The following MIPOL1 variants were observed in gnomAD, a reference collection of about 807,000 sequenced individuals.
The protein encoded by MIPOL1 is mirror-image polydactyly 1, also known as mirror-image polydactyly gene 1 protein.
Under a neutral mutation model 60.9 loss-of-function variants are expected in MIPOL1, and 57 were observed. The observed-to-expected ratio is 0.94, with a 90% CI of 0.76 to 1.17. MIPOL1 has a LOEUF of 1.17. Among genes scored for constraint, MIPOL1 ranks in the 50% most tolerant of loss-of-function variants. The pLI is 0.00. For missense variants in MIPOL1, 551 were observed against 511.6 expected, an observed-to-expected ratio of 1.08 and a Z score of -0.74; for synonymous variants, 179 against 168.8, an observed-to-expected ratio of 1.06 and a Z score of -0.47.
At chr14:37,365,856 A>T (rs1370670906) in intron 9 of MIPOL1, among the ~76,000 whole-genome samples, 2 of 151,956 alleles carry the variant, frequency 1.3e-5, no homozygotes, top group Non-Finnish European at 2.9e-5. Flanking sequence ...CTTTACTGGG[A>T]TACTTTTTAT....
Position 37,500,088 on chromosome 14 carries a change from A to G in MIPOL1, c.1212A>G (p.Gln404=), listed in dbSNP as rs2095193637. ...CAGAGCGAGCAAATATGGAATTACA[A>G]CTTCAACATGCCAGAGAGGCCTCCC... ...ALTERANMEL[Q]LQHAREASQV... is the part of the protein sequence containing the mutation. Residue 404 remains glutamine, a synonymous_variant, in exon 12 of 13, where the codon CAA becomes CAG. Transcript: ENST00000684589. 2 of 1,613,826 alleles carry G rather than the reference A, an allele frequency of 1.2e-6. No individual in the cohort carries two copies. The highest frequency in any genetic ancestry group is 1.7e-6 in the Non-Finnish European group (2 of 1,179,838).
intron 1 of MIPOL1, among the ~76,000 whole-genome samples, chr14:37,215,788 C>T (rs1044164801): frequency 6.6e-6 from 1 of 152,112 alleles, no homozygotes; most frequent in African/African-American, 2.4e-5. Context: ...AAGGGATCGG[C>T]CAGATGTGAT....
At chr14:37,523,813 T>C (rs2095429356) in intron 12 of MIPOL1, among the ~76,000 whole-genome samples, 1 of 152,164 alleles carries the variant, frequency 6.6e-6, no homozygotes, top group Admixed American at 6.5e-5. Context: ...TAGTTTAATA[T>C]GATGAGGAAA....
intron 9 of MIPOL1, among the ~76,000 whole-genome samples, chr14:37,350,468 G>C (rs755622040): frequency 2.1e-5 from 3 of 144,202 alleles, no homozygotes; most frequent in Non-Finnish European, 4.6e-5. Flanking sequence ...TTTAATTTTT[G>C]TGGGTACATA....
At chr14:37,363,054 C>T (rs1346005145) in intron 9 of MIPOL1, among the ~76,000 whole-genome samples, 1 of 152,108 alleles carries the variant, frequency 6.6e-6, no homozygotes, top group Non-Finnish European at 1.5e-5. Flanking sequence ...TGGGTTAGAA[C>T]ATGCTTCTTT....
chr14:37,434,927 C>G (rs899932916), intron 11 of MIPOL1, among the ~76,000 whole-genome samples: 1 of 151,862 alleles, frequency 6.6e-6, no homozygotes, highest in Non-Finnish European at 1.5e-5. Flanking sequence ...TTACCGTAGC[C>G]TAGCCAAGTT....
intron 10 of MIPOL1, chr14:37,385,463 T>C (rs1186489626): frequency 6.6e-6 from 1 of 152,148 alleles, no homozygotes; most frequent in Non-Finnish European, 1.5e-5. Context: ...ACAGCAGCTC[T>C]AGTTTTAAAA....
At chr14:37,464,235 C>T (rs1349933585) in intron 11 of MIPOL1, among the ~76,000 whole-genome samples, 11 of 111,796 alleles carry the variant, frequency 9.8e-5, no homozygotes, top group African/African-American at 3.8e-4. Context: ...TACCATTCAG[C>T]ACAGCAATTC....
chr14:37,480,025 A>G (rs1046945985), intron 11 of MIPOL1, among the ~76,000 whole-genome samples: 1 of 152,064 alleles, frequency 6.6e-6, no homozygotes, highest in Admixed American at 6.6e-5. Flanking sequence ...TAATGACTAT[A>G]AAGAGGTTAA....
intron 10 of MIPOL1, among the ~76,000 whole-genome samples, chr14:37,402,815 TA>T (rs2093510843): frequency 1.3e-5 from 2 of 152,298 alleles, no homozygotes; most frequent in South Asian, 2.1e-4. Context: ...GCAATGAGCT[TA>T]GGAACTGTGA....
chr14:37,404,410 C>G (rs529205978), intron 10 of MIPOL1, among the ~76,000 whole-genome samples: 1 of 152,126 alleles, frequency 6.6e-6, no homozygotes, highest in Non-Finnish European at 1.5e-5. Flanking sequence ...ACCTGGAAAT[C>G]AGAAAGAACA....
intron 7 of MIPOL1, among the ~76,000 whole-genome samples, chr14:37,302,806 C>T (rs962955405): frequency 6.6e-6 from 1 of 151,714 alleles, no homozygotes; most frequent in East Asian, 1.9e-4. Context: ...ATGTTAATCC[C>T]TTTGTCAATA....
chr14:37,510,740 G>T (rs1160320491), intron 12 of MIPOL1, among the ~76,000 whole-genome samples: 2 of 152,116 alleles, frequency 1.3e-5, no homozygotes, highest in East Asian at 3.9e-4. Flanking sequence ...ACAGATTAAA[G>T]TAAAAGCAGG....
In MIPOL1 at chr14:37,549,575, C is replaced by T. The variant is rs1469497401; in HGVS notation, c.*2604C>T. 1 of 151,798 alleles carries T rather than the reference C, an allele frequency of 6.6e-6. No homozygotes were observed. Among genetic ancestry groups the T allele is most frequent in the Non-Finnish European group, 1.5e-5 (1 of 67,776 alleles). 9.4% of individuals were successfully genotyped at this position (151,798 alleles called of 1,614,324 possible). Reference sequence around the variant, plus strand: ...AACCACACTCCATGCAACTATGAGTCTCTAAATCTCTCTGTAAGAAAAAAA... The same window carrying T: ...AACCACACTCCATGCAACTATGAGTTTCTAAATCTCTCTGTAAGAAAAAAA... On this transcript the variant is annotated 3_prime_UTR_variant, in exon 13 of 13. Coordinates refer to ENST00000684589, the MANE Select transcript of MIPOL1 (RefSeq NM_001388067.1).
In MIPOL1 at chr14:37,305,358, A is replaced by G. The variant is rs574087908; in HGVS notation, c.624-2698A>G. On this transcript the variant is annotated intron_variant, in intron 7 of 12. Transcript: ENST00000684589. ...CAACACTCTGTATCAAGGATTTGCA[A>G]AGTAAGAACTTATGTTGAAATTCAG... Among the ~76,000 whole-genome samples, 3 of 151,960 alleles carry G rather than the reference A, an allele frequency of 2.0e-5. No individual in the cohort carries two copies. The South Asian group carries it at 6.2e-4, about 31-fold the overall frequency.
intron 11 of MIPOL1, among the ~76,000 whole-genome samples, chr14:37,492,253 T>A (rs1248538545): frequency 6.6e-6 from 1 of 152,226 alleles, no homozygotes; most frequent in Non-Finnish European, 1.5e-5. Flanking sequence ...CAGCACATAC[T>A]TCTACATTTC....
chr14:37,232,388 G>A (rs1458147266), intron 1 of MIPOL1, among the ~76,000 whole-genome samples: 1 of 152,064 alleles, frequency 6.6e-6, no homozygotes, highest in Non-Finnish European at 1.5e-5. Flanking sequence ...TGCTACACAT[G>A]TTCAGTCATC....
intron 12 of MIPOL1, among the ~76,000 whole-genome samples, chr14:37,508,040 A>G (rs2095295157): frequency 6.6e-6 from 1 of 152,138 alleles, no homozygotes; most frequent in Non-Finnish European, 1.5e-5. Flanking sequence ...TATCTTCATG[A>G]GGCTATTAGC....
chr14:37,512,021 G>A (rs2095331767), intron 12 of MIPOL1, among the ~76,000 whole-genome samples: 1 of 152,062 alleles, frequency 6.6e-6, no homozygotes, highest in Non-Finnish European at 1.5e-5. Context: ...AAAATTTACA[G>A]GAGTTCTGCT....
Sources: allele counts gnomAD v4.1 joint callset (sites outside exome capture counted in the v4.1 genomes callset), GRCh38; gene constraint gnomAD v4.1.1; transcripts MANE v1.5; gene names NCBI Gene and HGNC (gene_info 2026-07-23, HGNC 2026-07-21).